CFAP52: variants seen among roughly 807,000 people sequenced by gnomAD.
The protein encoded by CFAP52 is cilia- and flagella-associated protein 52.
Under a neutral mutation model 70.5 loss-of-function variants are expected in CFAP52, and 57 were observed. The ratio of observed to expected loss-of-function variants is 0.81; its 90% CI spans 0.65 to 1.01. The LOEUF is 1.01. CFAP52 is among the 50% of genes least tolerant of loss of function. CFAP52 has a pLI of 0.00. For synonymous variants in CFAP52, 267 were observed against 292.5 expected (o/e 0.91, Z 0.89); for missense variants, 785 against 788.5 (o/e 1.00, Z 0.05).
At chr17:9,614,133 C>T (rs1909815999) in intron 8 of CFAP52, among the ~76,000 whole-genome samples, 2 of 147,666 alleles carry the variant, frequency 1.4e-5, no homozygotes, top group African/African-American at 2.5e-5. Flanking sequence ...TTTCCTTTTC[C>T]TTTTCTTTTT....
At chr17:9,641,651 A>G (rs1911063276) in intron 12 of CFAP52, 73 bp from the exon 13 acceptor site, 1 of 1,099,268 alleles carries the variant, frequency 9.1e-7, no homozygotes, top group Non-Finnish European at 1.4e-6. Context: ...AAGTAGAGCC[A>G]TCTTTTGTTA....
At chr17:9,596,057 GTGTATATATATATATATA>G (rs1423596913) in intron 4 of CFAP52, among the ~76,000 whole-genome samples, 50 of 103,592 alleles carry the variant, frequency 4.8e-4, no homozygotes, top group African/African-American at 1.8e-3. Flanking sequence ...ATATATGTGT[GTGTATATATATATATATA>G]TATATATATA....
In CFAP52 at chr17:9,578,850, G is replaced by C. The variant is rs574709931; in HGVS notation, c.70+2085G>C. ...CTTGAGCCACCACACCCAGCCACAGGGTGGAGGGGTGCATGGCCTTAGGTC... is the reference window on the plus strand; with the variant it reads ...CTTGAGCCACCACACCCAGCCACAGCGTGGAGGGGTGCATGGCCTTAGGTC... On this transcript the variant is annotated intron_variant, in intron 1 of 13. Coordinates refer to ENST00000352665, the MANE Select transcript of CFAP52 (RefSeq NM_145054.5). Among the ~76,000 whole-genome samples the C allele has an allele frequency of 1.9e-3, 291 of 152,198 alleles. 2 individuals carry two copies. Among genetic ancestry groups the C allele is most frequent in the Non-Finnish European group, 1.2e-3 (84 of 67,984 alleles).
At chr17:9,628,871 T>A (rs758095633) in intron 9 of CFAP52, 51 bp downstream of exon 9, 22 of 1,609,928 alleles carry the variant, frequency 1.4e-5, no homozygotes, top group Non-Finnish European at 8.5e-7. Context: ...GCGGTTTTGA[T>A]TCTTGTCACT....
chr17:9,627,459 G>A (rs761197790), intron 8 of CFAP52, among the ~76,000 whole-genome samples: 1 of 151,972 alleles, frequency 6.6e-6, no homozygotes, highest in African/African-American at 2.4e-5. Context: ...AGCCAAGATC[G>A]GACCATTGCA....
Position 9,576,738 on chromosome 17 carries a change from G to A in CFAP52, c.43G>A (p.Glu15Lys), listed in dbSNP as rs758741653. ...ISPEAQVAEL[E>K]LDAVIGFNGH... is the part of the protein sequence containing the mutation. ...GCCGGAGGCCCAAGTGGCGGAGCTG[G>A]AACTTGACGCCGTGATCGGCTTCAA... Residue 15 changes from glutamate to lysine, a missense_variant, in exon 1 of 14, where the codon GAA becomes AAA. Glu to Lys is a moderately conservative substitution (Grantham distance 56). Coordinates refer to ENST00000352665, the MANE Select transcript of CFAP52 (RefSeq NM_145054.5). 2.5e-6 allele frequency: 4 copies of A among 1,612,640 alleles called. No homozygotes were observed. The East Asian group carries it at 6.7e-5, about 27-fold the overall frequency.
chr17:9,592,847 A>G (rs1473204654), intron 3 of CFAP52, among the ~76,000 whole-genome samples: 1 of 152,190 alleles, frequency 6.6e-6, no homozygotes, highest in Non-Finnish European at 1.5e-5. Flanking sequence ...TTGTGTGGAC[A>G]TGTCTTCATT....
chr17:9,639,027 C>T (rs1910935753), intron 12 of CFAP52: 1 of 289,588 alleles, frequency 3.5e-6, no homozygotes, highest in South Asian at 6.5e-5. Flanking sequence ...ATTTCTGAGA[C>T]TGGAGTAGAA....
At chr17:9,640,851 C>T (rs1828421847) in intron 12 of CFAP52, among the ~76,000 whole-genome samples, 1 of 152,086 alleles carries the variant, frequency 6.6e-6, no homozygotes, top group Admixed American at 6.6e-5. Flanking sequence ...ACCATATTGC[C>T]CAGGCTGGTC....
intron 10 of CFAP52, among the ~76,000 whole-genome samples, chr17:9,634,130 C>G (rs1270908500): frequency 6.6e-6 from 1 of 152,200 alleles, no homozygotes; most frequent in Non-Finnish European, 1.5e-5. Context: ...ACATTTTTCT[C>G]TGGTTCTCTC....
At chr17:9,606,819 G>A (rs1004476195) in intron 6 of CFAP52, among the ~76,000 whole-genome samples, 2 of 152,168 alleles carry the variant, frequency 1.3e-5, no homozygotes, top group Non-Finnish European at 2.9e-5. Flanking sequence ...GTCCTGCTGA[G>A]GCACTTAGGA....
At chr17:9,616,299 G>A (rs1215315197) in intron 8 of CFAP52, among the ~76,000 whole-genome samples, 1 of 134,056 alleles carries the variant, frequency 7.5e-6, no homozygotes, top group Non-Finnish European at 1.6e-5. Flanking sequence ...ACCGGCTTAA[G>A]AAACGGCGCA....
intron 12 of CFAP52, among the ~76,000 whole-genome samples, chr17:9,640,528 G>A (rs1308666651): frequency 6.6e-6 from 1 of 151,974 alleles, no homozygotes; most frequent in Non-Finnish European, 1.5e-5. Context: ...AGTTTGCTGA[G>A]GATAATGGCT....
intron 8 of CFAP52, among the ~76,000 whole-genome samples, chr17:9,625,022 T>C (rs539395817): frequency 1.3e-5 from 2 of 152,282 alleles, no homozygotes; most frequent in Middle Eastern, 3.4e-3. Context: ...AAATATTCTG[T>C]TAACCTCAAG....
chr17:9,599,167 C>G (rs1311146026), intron 5 of CFAP52, among the ~76,000 whole-genome samples: 14 of 152,044 alleles, frequency 9.2e-5, no homozygotes, highest in Non-Finnish European at 5.9e-5. Flanking sequence ...CATTATACTT[C>G]CAAGTTCAGC....
chr17:9,616,699 C>T (rs1259883306), intron 8 of CFAP52, among the ~76,000 whole-genome samples: 2 of 149,082 alleles, frequency 1.3e-5, no homozygotes, highest in South Asian at 4.3e-4. Flanking sequence ...CCCCTGACCC[C>T]CGGGCAGCCT....
In CFAP52 at chr17:9,624,202, A is replaced by G. The variant is rs144808343; in HGVS notation, c.1026-4470A>G. 2.0e-5 allele frequency among the ~76,000 whole-genome samples: 3 copies of G among 152,090 alleles called. No individual in the cohort carries two copies. The East Asian group carries it at 5.8e-4, about 29-fold the overall frequency. On this transcript the variant is annotated intron_variant, in intron 8 of 13. Coordinates refer to ENST00000352665, the MANE Select transcript of CFAP52 (RefSeq NM_145054.5). The stretch of plus-strand genomic sequence containing the variant: ...AGCATTTGTTAAACTTTTTGAATCT[A>G]TAAGCTGATATTTTCCACCAAATTG...
chr17:9,631,048 G>GAAAGAA (rs1426600738), intron 9 of CFAP52, among the ~76,000 whole-genome samples: 458 of 19,770 alleles, frequency 0.023, 26 homozygotes, highest in African/African-American at 0.037. Flanking sequence ...GAGAGAGAGA[G>GAAAGAA]AGAGAGAAAG....
intron 6 of CFAP52, among the ~76,000 whole-genome samples, chr17:9,607,348 A>G (rs1161395845): frequency 6.6e-6 from 1 of 152,260 alleles, no homozygotes; most frequent in Non-Finnish European, 1.5e-5. Context: ...TCTGCCTCAA[A>G]AAAACAATAG....
Sources: gnomAD v4.1 joint callset for allele counts (sites outside exome capture counted in the v4.1 genomes callset) on GRCh38, gnomAD v4.1.1 for gene constraint, MANE v1.5 for transcripts, NCBI Gene and HGNC (gene_info 2026-07-23, HGNC 2026-07-21) for gene names.